The following MYO9B variants were observed in gnomAD, a reference collection of about 807,000 sequenced individuals.
MYO9B encodes the protein myosin IXB.
MYO9B carries 71 observed loss-of-function variants against 229.5 expected under a neutral mutation model. The observed-to-expected ratio is 0.31, with a 90% CI of 0.26 to 0.38. MYO9B has a LOEUF of 0.38. Among genes scored for constraint, MYO9B ranks in the 10% least tolerant of loss-of-function variants. The pLI, the probability that MYO9B is intolerant of heterozygous loss-of-function variation, is 1.00. For synonymous variants in MYO9B, 1,185 were observed against 1,235.8 expected (o/e 0.96, Z 0.86); for missense variants, 2,255 against 2,920.5 (o/e 0.77, Z 5.25).
chr19:17,096,710 T>G (rs1482557833), intron 1 of MYO9B, among the ~76,000 whole-genome samples: 6 of 143,954 alleles, frequency 4.2e-5, no homozygotes, highest in East Asian at 2.0e-4. Context: ...TTGTTGGTTT[T>G]TTTTTTTTTT....
chr19:17,186,059 C>G (rs761281100), intron 18 of MYO9B, 58 bp downstream of exon 18: 1 of 1,498,144 alleles, frequency 6.7e-7, no homozygotes, highest in Non-Finnish European at 9.3e-7. Context: ...TTAGGGGTGT[C>G]GGTGTCCCTG....
chr19:17,205,451 C>A, intron 31 of MYO9B, 115 bp downstream of exon 31: 2 of 949,722 alleles, frequency 2.1e-6, no homozygotes, highest in Non-Finnish European at 3.3e-6. Context: ...CAGTAGGGGG[C>A]GGCTGTGGCC....
intron 1 of MYO9B, among the ~76,000 whole-genome samples, chr19:17,081,591 C>T (rs2057534193): frequency 6.6e-6 from 1 of 151,786 alleles, no homozygotes; most frequent in Admixed American, 6.6e-5. Context: ...GGAGGATCAC[C>T]TAAGGTCAGG....
chr19:17,205,864 A>T, intron 31 of MYO9B, 96 bp from the exon 32 acceptor site: 1 of 1,224,350 alleles, frequency 8.2e-7, no homozygotes, highest in Non-Finnish European at 1.1e-6. Flanking sequence ...GGAAGCCCTG[A>T]GGGCCTTGTG....
intron 2 of MYO9B, chr19:17,103,927 G>A (rs2057769003): frequency 6.6e-6 from 1 of 151,874 alleles, no homozygotes; most frequent in African/African-American, 2.4e-5. Context: ...ATGATGGTGT[G>A]TGCCTGTAAT....
intron 2 of MYO9B, among the ~76,000 whole-genome samples, chr19:17,109,506 C>G (rs1249674175): frequency 1.3e-5 from 2 of 152,162 alleles, no homozygotes; most frequent in East Asian, 3.9e-4. Context: ...CAGAGAGACA[C>G]GTGGATGTGT....
chr19:17,200,766 G>T lies in MYO9B; in HGVS notation c.4500G>T (p.Ser1500=). The part of the protein sequence containing the change: ...KITVSEKWRE[S]VFRQITNANE... ...CAGTGTCAGAGAAGTGGCGGGAATC[G>T]GTGTTCCGCCAGATCACCAACGCCA... is the stretch of plus-strand genomic sequence containing the variant. Residue 1500 remains serine (S), a synonymous_variant, in exon 26 of 40, where the codon TCG becomes TCT. Transcript: ENST00000682292. 1 of 1,613,996 alleles carries T rather than the reference G, an allele frequency of 6.2e-7. No homozygotes were observed. The highest frequency in any genetic ancestry group is 8.5e-7 in the Non-Finnish European group (1 of 1,179,876).
intron 1 of MYO9B, among the ~76,000 whole-genome samples, chr19:17,077,058 C>T (rs147795932): frequency 3.5e-4 from 54 of 152,224 alleles, no homozygotes; most frequent in African/African-American, 1.3e-3. Context: ...AGTCCCAACT[C>T]GGTTTGTTTT....
chr19:17,195,092 C>T lies in MYO9B; in HGVS notation c.3665C>T (p.Pro1222Leu). ...NTSQKQPTEQ[P>L]QAMAVGKVSE... ...TCTCAAAAGCAGCCCACAGAGCAAC[C>T]CCAGGCCATGGCAGTTGGCAAGGTC... The change falls in exon 22 of 40, where the codon CCC becomes CTC. Residue 1222 changes from proline to leucine, a missense_variant. This residue lies in a region of MYO9B where 679 missense variants were observed against 770.2 expected (regional missense o/e 0.88). Coordinates refer to ENST00000682292, the MANE Select transcript of MYO9B (RefSeq NM_004145.4). This position sits in a 1 kb window ranked among gnomAD's most constrained non-coding sequence, Gnocchi z 4.5. The T allele has an allele frequency of 6.2e-7, 1 of 1,612,886 alleles. No homozygotes were observed. The highest frequency in any genetic ancestry group is 8.5e-7 in the Non-Finnish European group (1 of 1,179,826).
intron 2 of MYO9B, among the ~76,000 whole-genome samples, chr19:17,131,299 C>G (rs146677550): frequency 0.026 from 4,030 of 152,348 alleles, 158 homozygotes; most frequent in African/African-American, 0.085. Context: ...GACGGAGTCT[C>G]GCTCTGTCAC....
chr19:17,107,060 C>G (rs117916825), intron 2 of MYO9B, among the ~76,000 whole-genome samples: 8 of 151,538 alleles, frequency 5.3e-5, no homozygotes, highest in Non-Finnish European at 1.0e-4. Context: ...CGAAATCTGT[C>G]TCAAAATTAA....
chr19:17,120,588 A>G (rs2057952683), intron 2 of MYO9B, among the ~76,000 whole-genome samples: 1 of 147,844 alleles, frequency 6.8e-6, no homozygotes, highest in African/African-American at 2.5e-5. Flanking sequence ...TTGGTGAGCC[A>G]TGATCATGCC....
chr19:17,102,478 A>G lies in MYO9B; in HGVS notation c.761A>G (p.His254Arg). ...ACCCAGAGCACCAACTTCCTCATCC[A>G]CTGCCTCACCGCCCTCAGCCAGAAG... ...GKTQSTNFLI[H>R]CLTALSQKGY... Residue 254 changes from histidine (H) to arginine (R), a missense_variant, in exon 2 of 40, where the codon CAC (histidine) becomes CGC (arginine). Around this residue, in one of 7 missense-constraint regions of MYO9B, gnomAD observed 386 missense variants for 515.2 expected, o/e 0.75. Transcript: ENST00000682292. 1 of 1,613,724 alleles carries G rather than the reference A, an allele frequency of 6.2e-7. No individual in the cohort carries two copies. The highest frequency in any genetic ancestry group is 8.5e-7 in the Non-Finnish European group (1 of 1,179,832).
intron 2 of MYO9B, among the ~76,000 whole-genome samples, chr19:17,143,067 C>T (rs372129842): frequency 1.3e-5 from 2 of 152,050 alleles, no homozygotes; most frequent in South Asian, 2.1e-4. Context: ...GGGAAAACCC[C>T]GTCTCTACTA....
intron 2 of MYO9B, among the ~76,000 whole-genome samples, chr19:17,142,024 A>T (rs67085612): frequency 0.2 from 30,765 of 151,976 alleles, 3,695 homozygotes; most frequent in African/African-American, 0.33. Context: ...AAAAAATTTT[A>T]AAAATTAGCC....
chr19:17,183,274 C>G (rs1234129714), intron 15 of MYO9B, among the ~76,000 whole-genome samples: 1 of 152,186 alleles, frequency 6.6e-6, no homozygotes, highest in Non-Finnish European at 1.5e-5. Flanking sequence ...AGCTCCCACC[C>G]AGGCCCCATT....
At chr19:17,145,343 A>AT in intron 2 of MYO9B, 54 bp from the exon 3 acceptor site, 1 of 1,486,106 alleles carries the variant, frequency 6.7e-7, no homozygotes, top group Non-Finnish European at 9.3e-7. Flanking sequence ...AGGAAAAAAA[A>AT]GAAAAAGAAA....
intron 2 of MYO9B, among the ~76,000 whole-genome samples, chr19:17,130,203 G>A (rs1237788512): frequency 2.0e-5 from 3 of 152,114 alleles, no homozygotes; most frequent in Non-Finnish European, 4.4e-5. Flanking sequence ...AGGCACAGTG[G>A]CTCACACCTG....
chr19:17,212,295 C>A lies in MYO9B; in HGVS notation c.6459C>A (p.Gly2153=). Residue 2153 remains glycine, a synonymous_variant, in exon 40 of 40, where the codon GGC becomes GGA. Transcript: ENST00000682292. The surrounding 1 kb of genome is among the most constrained non-coding windows in gnomAD (Gnocchi z 5.4). ...PPTYCLPPAS[G]QTNG is the part of the protein sequence containing the mutation. The stretch of plus-strand genomic sequence containing the variant: ...CGTACTGCCTGCCCCCCGCCTCGGG[C>A]CAGACCAATGGCTGAGAGCCACAGC... 6.6e-7 allele frequency: 1 copy of A among 1,514,714 alleles called. No individual in the cohort carries two copies. Among genetic ancestry groups the A allele is most frequent in the Non-Finnish European group, 8.8e-7 (1 of 1,140,146 alleles). 93.8% of individuals were successfully genotyped at this position (1,514,714 alleles called of 1,614,324 possible). A position where few individuals can be genotyped will look rare whatever the true frequency, so the allele number is the denominator to read the frequency against.
Sources: allele counts gnomAD v4.1 joint callset (sites outside exome capture counted in the v4.1 genomes callset), GRCh38; gene constraint gnomAD v4.1.1; regional missense constraint gnomAD v4.1.1; non-coding constraint Gnocchi (gnomAD v3.1); transcripts MANE v1.5; gene names NCBI Gene and HGNC (gene_info 2026-07-23, HGNC 2026-07-21).